Variants in DPP10 observed in about 807,000 individuals in gnomAD.
DPP10 encodes dipeptidyl peptidase like 10, also known as inactive dipeptidyl peptidase 10.
DPP10 carries 33 observed loss-of-function variants against 120.9 expected under a neutral mutation model. The observed-to-expected ratio is 0.27, with a 90% CI of 0.21 to 0.37. The LOEUF (loss-of-function observed/expected upper bound fraction) is 0.37. Among genes scored for constraint, DPP10 ranks in the 10% least tolerant of loss-of-function variants. The pLI is 1.00. For synonymous variants in DPP10, 337 were observed against 326.1 expected (o/e 1.03, Z -0.36); for missense variants, 816 against 942.8 (o/e 0.87, Z 1.76).
At chr2:114,806,819 T>C (rs1684764428) in intron 1 of DPP10, among the ~76,000 whole-genome samples, 1 of 152,128 alleles carries the variant, frequency 6.6e-6, no homozygotes, top group Non-Finnish European at 1.5e-5. Flanking sequence ...CTTCCTTGAT[T>C]CTCCATTTTT....
chr2:115,437,102 C>T (rs189294620), intron 3 of DPP10, among the ~76,000 whole-genome samples: 2 of 151,958 alleles, frequency 1.3e-5, no homozygotes, highest in East Asian at 3.9e-4. Context: ...ATTTTAGAGT[C>T]GTAAGAGACT....
At chr2:114,647,592 G>A (rs1018810445) in intron 1 of DPP10, among the ~76,000 whole-genome samples, 1 of 151,820 alleles carries the variant, frequency 6.6e-6, no homozygotes, top group Non-Finnish European at 1.5e-5. Context: ...GTACATTTGG[G>A]ATGCAAAACC....
intron 1 of DPP10, among the ~76,000 whole-genome samples, chr2:115,286,526 A>ATATATATTACATATATAATATATAT (rs10675008): frequency 2.8e-4 from 17 of 60,946 alleles, no homozygotes; most frequent in African/African-American, 9.1e-4. Flanking sequence ...ATATATATAT[A>ATATATATTACATATATAATATATAT]ATATATATAT....
At chr2:115,747,837 C>G (rs1289231089) in intron 10 of DPP10, among the ~76,000 whole-genome samples, 3 of 152,148 alleles carry the variant, frequency 2.0e-5, no homozygotes, top group Non-Finnish European at 4.4e-5. Context: ...TCGTGATCCG[C>G]CCGCCTTGGC....
intron 1 of DPP10, among the ~76,000 whole-genome samples, chr2:114,762,805 G>A (rs1680395217): frequency 1.3e-5 from 2 of 152,304 alleles, no homozygotes; most frequent in South Asian, 4.1e-4. Flanking sequence ...ACAGTGAAAA[G>A]GCTGTGAAAT....
At chr2:114,705,420 A>G (rs936505708) in intron 1 of DPP10, among the ~76,000 whole-genome samples, 8 of 152,076 alleles carry the variant, frequency 5.3e-5, no homozygotes, top group Non-Finnish European at 1.2e-4. Flanking sequence ...TATTCATAAG[A>G]TGTATATTAT....
At chr2:115,042,008 C>CTTTTTTTTTTTTTTTTTTTTT (rs5833573) in intron 1 of DPP10, among the ~76,000 whole-genome samples, 2 of 80,336 alleles carry the variant, frequency 2.5e-5, no homozygotes, top group Non-Finnish European at 4.7e-5. Context: ...TCTATCTTAT[C>CTTTTTTTTTTTTTTTTTTTTT]TTTTTTTTTT....
At chr2:114,692,603 T>C (rs2105776126) in intron 1 of DPP10, among the ~76,000 whole-genome samples, 1 of 152,272 alleles carries the variant, frequency 6.6e-6, no homozygotes, top group Non-Finnish European at 1.5e-5. Context: ...GTCTGCTTGA[T>C]CCAGAGCTGA....
Position 114,472,183 on chromosome 2 carries a change from C to G in DPP10, c.60+29345C>G, listed in dbSNP as rs540060395. ...ACTAGTGTTCACCTAGAGGAGCAAACTTCTCATATCTTTTTGACAGAAATT... is the reference window on the plus strand; with the variant it reads ...ACTAGTGTTCACCTAGAGGAGCAAAGTTCTCATATCTTTTTGACAGAAATT... On this transcript the variant is annotated intron_variant, in intron 1 of 25. Transcript: ENST00000410059. Among the ~76,000 whole-genome samples the G allele has an allele frequency of 3.9e-5, 6 of 152,262 alleles. No individual in the cohort carries two copies. In the East Asian group the frequency reaches 9.7e-4, roughly 25 times the overall value.
intron 3 of DPP10, among the ~76,000 whole-genome samples, chr2:115,471,033 A>C (rs1362637086): frequency 6.6e-6 from 1 of 152,116 alleles, no homozygotes; most frequent in Non-Finnish European, 1.5e-5. Context: ...TAAATATCTT[A>C]TGAGTTTTTT....
chr2:115,687,386 GAT>G (rs1241559468), intron 5 of DPP10, among the ~76,000 whole-genome samples: 2 of 152,016 alleles, frequency 1.3e-5, no homozygotes, highest in Non-Finnish European at 2.9e-5. Context: ...TGCATAAAAA[GAT>G]AGTGAATTTG....
intron 7 of DPP10, among the ~76,000 whole-genome samples, chr2:115,706,509 C>T (rs1295600146): frequency 9.2e-5 from 14 of 151,896 alleles, no homozygotes; most frequent in African/African-American, 3.4e-4. Context: ...ATACTTTAGA[C>T]AGTTCCTGCT....
intron 3 of DPP10, among the ~76,000 whole-genome samples, chr2:115,496,779 TAAAGA>T (rs2076417439): frequency 1.3e-5 from 2 of 152,072 alleles, no homozygotes; most frequent in African/African-American, 4.8e-5. Context: ...GGTATTGCAG[TAAAGA>T]AGAGTTTCAG....
At chr2:115,452,889 T>G (rs1197896873) in intron 3 of DPP10, among the ~76,000 whole-genome samples, 1 of 151,922 alleles carries the variant, frequency 6.6e-6, no homozygotes, top group Non-Finnish European at 1.5e-5. Context: ...GAGCATATAG[T>G]AGGATTTATG....
chr2:114,523,214 C>T (rs1685218317), intron 1 of DPP10, among the ~76,000 whole-genome samples: 1 of 152,210 alleles, frequency 6.6e-6, no homozygotes, highest in African/African-American at 2.4e-5. Flanking sequence ...TAAATTGAAC[C>T]ACAGTGCTAG....
intron 19 of DPP10, among the ~76,000 whole-genome samples, chr2:115,806,557 C>G (rs1685994646): frequency 6.6e-6 from 1 of 152,114 alleles, no homozygotes; most frequent in African/African-American, 2.4e-5. Context: ...TGTATCACCA[C>G]CATACATTAC....
rs374186916 is a variant in DPP10, at chr2:115,499,577, C to A, written c.339C>A (p.Thr113=). The A allele has an allele frequency of 6.2e-7, 1 of 1,611,040 alleles. No individual in the cohort carries two copies. The highest frequency in any genetic ancestry group is 8.5e-7 in the Non-Finnish European group (1 of 1,178,196). ...AACTGAATATAGAAACAAATGCTAC[C>A]ACATTATTATTGGAAAACACAACTT... ...VIKLNIETNA[T]TLLLENTTFV... The change falls in exon 4 of 26, where the codon ACC becomes ACA. Residue 113 remains threonine (T), a synonymous_variant. Transcript: ENST00000410059.
chr2:115,145,224 T>C (rs2051157165), intron 1 of DPP10, among the ~76,000 whole-genome samples: 1 of 152,174 alleles, frequency 6.6e-6, no homozygotes, highest in Admixed American at 6.6e-5. Flanking sequence ...GATTAATGTA[T>C]AATGACATAT....
intron 1 of DPP10, among the ~76,000 whole-genome samples, chr2:114,899,473 C>T (rs1248513122): frequency 6.6e-6 from 1 of 152,126 alleles, no homozygotes; most frequent in Non-Finnish European, 1.5e-5. Flanking sequence ...ATTCCTCCCT[C>T]TACCCGATGA....
Sources: gnomAD v4.1 joint callset for allele counts (sites outside exome capture counted in the v4.1 genomes callset) on GRCh38, gnomAD v4.1.1 for gene constraint, MANE v1.5 for transcripts, NCBI Gene and HGNC (gene_info 2026-07-23, HGNC 2026-07-21) for gene names.